ASTN2: variants seen among roughly 807,000 people sequenced by gnomAD.
The protein encoded by ASTN2 is astrotactin-2.
A neutral mutation model predicts 139.8 loss-of-function variants in ASTN2; 54 were observed. That is an observed-to-expected ratio of 0.39 (90% CI 0.31 to 0.48). The LOEUF (loss-of-function observed/expected upper bound fraction) is 0.48, where lower values mean the gene tolerates loss of function less well. Among genes scored for constraint, ASTN2 ranks in the 20% least tolerant of loss-of-function variants. The probability of loss-of-function intolerance (pLI) is 0.95; values close to 1 mark genes in which losing one functional copy is unlikely to be tolerated. For missense variants in ASTN2, 1,565 were observed against 1,725.1 expected (o/e 0.91, Z 1.64); for synonymous variants, 756 against 719.5 (o/e 1.05, Z -0.81).
intron 19 of ASTN2, among the ~76,000 whole-genome samples, chr9:116,510,970 T>A (rs971165317): frequency 6.6e-6 from 1 of 152,228 alleles, no homozygotes; most frequent in South Asian, 2.1e-4. Context: ...TGACTTCCTC[T>A]TTTCCTAATT....
At chr9:116,742,044 C>CT (rs1829109170) in intron 13 of ASTN2, among the ~76,000 whole-genome samples, 1 of 152,210 alleles carries the variant, frequency 6.6e-6, no homozygotes, top group Non-Finnish European at 1.5e-5. Flanking sequence ...TACTCACAGG[C>CT]TGATAGGAGA....
At chr9:117,064,004 G>A (rs1280534559) in intron 5 of ASTN2, among the ~76,000 whole-genome samples, 2 of 151,992 alleles carry the variant, frequency 1.3e-5, no homozygotes, top group Non-Finnish European at 2.9e-5. Flanking sequence ...CTGAAAGATT[G>A]TTTTCCCGAG....
intron 19 of ASTN2, among the ~76,000 whole-genome samples, chr9:116,563,251 T>C (rs1166886591): frequency 6.6e-6 from 1 of 151,804 alleles, no homozygotes; most frequent in Non-Finnish European, 1.5e-5. Context: ...GGTGGGTGCC[T>C]ATAGTCCCAG....
intron 1 of ASTN2, among the ~76,000 whole-genome samples, chr9:117,314,722 T>C (rs1308733068): frequency 1.4e-5 from 2 of 145,906 alleles, no homozygotes; most frequent in Non-Finnish European, 3.0e-5. Context: ...TAATCACATA[T>C]AATTATATGT....
intron 6 of ASTN2, among the ~76,000 whole-genome samples, chr9:117,030,242 C>A (rs1167421073): frequency 6.6e-6 from 1 of 152,200 alleles, no homozygotes; most frequent in Non-Finnish European, 1.5e-5. Context: ...ACTCTATAGA[C>A]TTGAAGTCAA....
chr9:117,162,996 T>C (rs943742003), intron 3 of ASTN2, among the ~76,000 whole-genome samples: 3 of 152,084 alleles, frequency 2.0e-5, no homozygotes, highest in Admixed American at 2.0e-4. Context: ...AGATCTTTAA[T>C]GTCTACCGGG....
chr9:116,794,542 T>C (rs1426368446), intron 13 of ASTN2, among the ~76,000 whole-genome samples: 2 of 152,228 alleles, frequency 1.3e-5, no homozygotes, highest in African/African-American at 4.8e-5. Context: ...ACATGTTATC[T>C]AGAGGCCATG....
intron 6 of ASTN2, among the ~76,000 whole-genome samples, chr9:117,020,002 C>CTCTG (rs745332072): frequency 2.8e-5 from 4 of 140,816 alleles, no homozygotes; most frequent in Non-Finnish European, 4.6e-5. Flanking sequence ...TTCAGGGTTT[C>CTCTG]TGTGTGTGTG....
chr9:116,684,837 T>C (rs964007095), intron 16 of ASTN2, among the ~76,000 whole-genome samples: 2 of 152,216 alleles, frequency 1.3e-5, no homozygotes, highest in South Asian at 4.1e-4. Context: ...AAATTATGAT[T>C]GAGACAGTAA....
intron 19 of ASTN2, among the ~76,000 whole-genome samples, chr9:116,515,463 C>T (rs1443854011): frequency 1.3e-5 from 2 of 152,134 alleles, no homozygotes; most frequent in Admixed American, 6.5e-5. Flanking sequence ...GGCTAGAAGC[C>T]TTGCAAGCCA....
At chr9:117,081,146 G>A (rs748605114) in intron 5 of ASTN2, among the ~76,000 whole-genome samples, 33 of 152,108 alleles carry the variant, frequency 2.2e-4, no homozygotes, top group African/African-American at 6.3e-4. Flanking sequence ...AGTGACTTGG[G>A]GTACTGCACA....
rs143485828 is a variant in ASTN2, at chr9:116,704,751, T to C, written c.2806+21020A>G. ...GCTGGAGGGGCAGAAGCAATACTCA[T>C]TCACAGCAATGTATCCCATTAGGAA... On this transcript the variant is annotated intron_variant, in intron 16 of 22. Coordinates refer to ENST00000313400, the MANE Select transcript of ASTN2 (RefSeq NM_001365068.1). 5.8e-3 allele frequency among the ~76,000 whole-genome samples: 883 copies of C among 152,310 alleles called. 10 individuals carry two copies. The highest frequency in any genetic ancestry group is 0.02 in the African/African-American group (829 of 41,570).
At chr9:116,431,597 A>G (rs1035226183) in intron 22 of ASTN2, among the ~76,000 whole-genome samples, 9 of 152,152 alleles carry the variant, frequency 5.9e-5, no homozygotes, top group Admixed American at 4.6e-4. Flanking sequence ...ATGGAAGAGA[A>G]GATTTAGGCC....
At chr9:116,611,946 A>C (rs1239078105) in intron 19 of ASTN2, 4 of 152,194 alleles carry the variant, frequency 2.6e-5, no homozygotes, top group Admixed American at 2.6e-4. Context: ...GATCCTAATT[A>C]AAACAAACAG....
At chr9:117,137,710 CT>C (rs112841469) in intron 4 of ASTN2, among the ~76,000 whole-genome samples, 185 of 145,810 alleles carry the variant, frequency 1.3e-3, no homozygotes, top group Middle Eastern at 3.5e-3. Flanking sequence ...AATTTCCAAA[CT>C]TTTTTTTTTT....
At chr9:117,320,435 G>C (rs1324562870) in intron 1 of ASTN2, among the ~76,000 whole-genome samples, 1 of 152,148 alleles carries the variant, frequency 6.6e-6, no homozygotes, top group African/African-American at 2.4e-5. Context: ...CCACAGGCCA[G>C]GGCTTTTCCA....
chr9:116,886,152 A>T (rs1406473791), intron 10 of ASTN2, among the ~76,000 whole-genome samples: 1 of 152,208 alleles, frequency 6.6e-6, no homozygotes, highest in Non-Finnish European at 1.5e-5. Context: ...ACAGATCTAC[A>T]GTCCCAGGAA....
chr9:117,032,668 G>A (rs1838281371), intron 6 of ASTN2, among the ~76,000 whole-genome samples: 1 of 152,160 alleles, frequency 6.6e-6, no homozygotes, highest in Non-Finnish European at 1.5e-5. Flanking sequence ...ACAAAGTCAT[G>A]CATTAGCTCA....
At chr9:116,854,645 T>TTA in intron 11 of ASTN2, among the ~76,000 whole-genome samples, 1 of 140,510 alleles carries the variant, frequency 7.1e-6, no homozygotes, top group African/African-American at 2.7e-5. Context: ...TGGGGCTTCC[T>TTA]TCTCTCTTTT....
Sources: gnomAD v4.1 joint callset for allele counts (sites outside exome capture counted in the v4.1 genomes callset) on GRCh38, gnomAD v4.1.1 for gene constraint, MANE v1.5 for transcripts, NCBI Gene and HGNC (gene_info 2026-07-23, HGNC 2026-07-21) for gene names.